COG2: variants seen among roughly 807,000 people sequenced by gnomAD.
COG2 encodes conserved oligomeric Golgi complex subunit 2.
A neutral mutation model predicts 90.6 loss-of-function variants in COG2; 52 were observed. The observed-to-expected ratio is 0.57, with a 90% CI of 0.46 to 0.72. The LOEUF is 0.72. Ranked by LOEUF, COG2 falls within the 30% of genes least tolerant of loss-of-function variation. COG2 has a pLI of 0.00. For missense variants in COG2, 829 were observed against 891.2 expected (o/e 0.93, Z 0.89); for synonymous variants, 337 against 320.4 (o/e 1.05, Z -0.55).
intron 1 of COG2, among the ~76,000 whole-genome samples, chr1:230,657,402 C>T (rs1662084710): frequency 6.6e-6 from 1 of 152,192 alleles, no homozygotes; most frequent in South Asian, 2.1e-4. Context: ...CCCCCAGTCT[C>T]TTCTGGCTTG....
In COG2 at chr1:230,655,882, G is replaced by A. The variant is rs3949845; in HGVS notation, c.73-3582G>A. 8.5e-3 allele frequency among the ~76,000 whole-genome samples: 1,295 copies of A among 152,218 alleles called. 13 individuals are homozygous for A. Among genetic ancestry groups the A allele is most frequent in the African/African-American group, 0.027 (1,133 of 41,516 alleles). On this transcript the variant is annotated intron_variant, in intron 1 of 17. Coordinates refer to ENST00000366669, the MANE Select transcript of COG2 (RefSeq NM_007357.3). ...TTCTTCTAGATTTTCTAGTTTATTC[G>A]CCTAGAGGTGTTTATAGTGTTCTCT...
At chr1:230,675,288 G>T (rs934008089) in intron 9 of COG2, among the ~76,000 whole-genome samples, 164 bp downstream of exon 9, 1 of 152,110 alleles carries the variant, frequency 6.6e-6, no homozygotes, top group Non-Finnish European at 1.5e-5. Context: ...TTTTATCCAA[G>T]ATATGATGTA....
intron 7 of COG2, 162 bp downstream of exon 7, chr1:230,669,697 G>T: frequency 1.7e-6 from 1 of 576,938 alleles, no homozygotes; most frequent in East Asian, 3.0e-5. Context: ...ATGGGTTATA[G>T]TTGGGAAGTA....
intron 5 of COG2, 53 bp downstream of exon 5, chr1:230,664,640 A>G (rs1268555017): frequency 1.1e-6 from 1 of 912,130 alleles, no homozygotes; most frequent in East Asian, 2.7e-5. Flanking sequence ...ATCCAGAGTA[A>G]AAACTTTTTT....
intron 8 of COG2, among the ~76,000 whole-genome samples, chr1:230,672,565 T>C (rs1571954701): frequency 6.6e-6 from 1 of 152,140 alleles, no homozygotes; most frequent in Non-Finnish European, 1.5e-5. Context: ...GCGTAGTGGC[T>C]CACACCTGTG....
chr1:230,686,401 T>C (rs1662885140), intron 12 of COG2, among the ~76,000 whole-genome samples: 1 of 152,224 alleles, frequency 6.6e-6, no homozygotes, highest in African/African-American at 2.4e-5. Flanking sequence ...TTATCTCTAG[T>C]AGATCACTTT....
intron 5 of COG2, among the ~76,000 whole-genome samples, chr1:230,666,083 A>G (rs1283584485): frequency 6.6e-6 from 1 of 152,158 alleles, no homozygotes; most frequent in Non-Finnish European, 1.5e-5. Flanking sequence ...GAACTTCTGT[A>G]GTCCTCAGAC....
intron 1 of COG2, 100 bp from the exon 2 acceptor site, chr1:230,659,364 A>G: frequency 1.1e-6 from 1 of 951,902 alleles, no homozygotes; most frequent in Non-Finnish European, 1.7e-6. Flanking sequence ...GGCCTTGTAA[A>G]TGACGGGAAT....
chr1:230,674,797 G>T (rs1327024967), intron 8 of COG2, among the ~76,000 whole-genome samples: 9 of 152,182 alleles, frequency 5.9e-5, no homozygotes, highest in Non-Finnish European at 5.9e-5. Flanking sequence ...TAGGAGATTT[G>T]CCAGGTTTGA....
chr1:230,667,128 T>C (rs1345511306), intron 5 of COG2, among the ~76,000 whole-genome samples: 1 of 152,180 alleles, frequency 6.6e-6, no homozygotes, highest in East Asian at 1.9e-4. Context: ...CTTGCATGCC[T>C]TCTCAGTCTA....
intron 1 of COG2, among the ~76,000 whole-genome samples, chr1:230,649,643 C>T (rs1449162200): frequency 6.6e-6 from 1 of 152,174 alleles, no homozygotes; most frequent in African/African-American, 2.4e-5. Flanking sequence ...CTTTTCATTG[C>T]TGTGCCCCCT....
intron 5 of COG2, among the ~76,000 whole-genome samples, chr1:230,665,083 T>C (rs529889720): frequency 1.3e-5 from 2 of 152,350 alleles, no homozygotes; most frequent in South Asian, 4.1e-4. Flanking sequence ...TGTTATACTG[T>C]AGTGTCTTAT....
chr1:230,642,541 T>G lies in COG2; in HGVS notation c.-66T>G. On this transcript the variant is annotated 5_prime_UTR_variant, in exon 1 of 18. Coordinates refer to ENST00000366669, the MANE Select transcript of COG2 (RefSeq NM_007357.3). ...ACTGGCGGTGGCCGCGGCCGCCGAG[T>G]CGGTCTGCGCAGCCTCCTGCGTTTT... 6.6e-7 allele frequency: 1 copy of G among 1,516,428 alleles called. No individual in the cohort carries two copies. The highest frequency in any genetic ancestry group is 9.0e-7 in the Non-Finnish European group (1 of 1,112,594). The allele number at this position is 1,516,428 out of a possible 1,614,324, so 93.9% of individuals were successfully genotyped here.
At chr1:230,687,680 G>A (rs1221204446) in intron 13 of COG2, among the ~76,000 whole-genome samples, 1 of 150,128 alleles carries the variant, frequency 6.7e-6, no homozygotes, top group African/African-American at 2.4e-5. Context: ...TAAGTCCTCT[G>A]ATACACAATT....
chr1:230,681,217 A>G (rs1365780770), intron 10 of COG2: 3 of 152,248 alleles, frequency 2.0e-5, no homozygotes, highest in African/African-American at 7.2e-5. Context: ...GCCCCAAATT[A>G]TAATGAGTCA....
rs1311639015 is a variant in COG2 at position 230,685,649 on chromosome 1, T to TA, written c.1380+418dup. Among the ~76,000 whole-genome samples the TA allele has an allele frequency of 4.6e-5, 7 of 152,344 alleles. No individual in the cohort carries two copies. The East Asian group carries it at 1.3e-3, about 29-fold the overall frequency. On this transcript the variant is annotated intron_variant, in intron 12 of 17. Transcript: ENST00000366669. ...TTACAAAATGATATTGTCATCAACA[T>TA]AAAAAGGTATTAAAATTCTTTTTTT... is the stretch of plus-strand genomic sequence containing the variant.
rs927987277 is a variant in COG2, at chr1:230,684,152, CT to C, written c.1228+520del. Reference sequence around the variant, plus strand: ...ATAGTTTTGGTGTATAGAGTTCTTGCTTTATAGAGATGAAAAATGAATAAGA... The same window carrying C: ...ATAGTTTTGGTGTATAGAGTTCTTGCTTATAGAGATGAAAAATGAATAAGA... On this transcript the variant is annotated intron_variant, in intron 11 of 17. Transcript: ENST00000366669. Among the ~76,000 whole-genome samples the C allele has an allele frequency of 9.5e-4, 144 of 152,242 alleles. 1 individual carries two copies. Among genetic ancestry groups the C allele is most frequent in the African/African-American group, 3.1e-3 (130 of 41,532 alleles).
chr1:230,662,575 CAACTT>C (rs1365278883), intron 3 of COG2, among the ~76,000 whole-genome samples: 5 of 152,146 alleles, frequency 3.3e-5, no homozygotes, highest in Admixed American at 2.0e-4. Flanking sequence ...TTTCCCAAAA[CAACTT>C]TTTCATGATA....
chr1:230,676,929 G>T (rs1662614822), intron 9 of COG2, among the ~76,000 whole-genome samples: 1 of 152,090 alleles, frequency 6.6e-6, no homozygotes, highest in Non-Finnish European at 1.5e-5. Flanking sequence ...AAGATCTTCT[G>T]TGTGACTTTG....
Sources: allele counts gnomAD v4.1 joint callset (sites outside exome capture counted in the v4.1 genomes callset), GRCh38; gene constraint gnomAD v4.1.1; transcripts MANE v1.5; gene names NCBI Gene and HGNC (gene_info 2026-07-23, HGNC 2026-07-21).